Variants in LRRC37A2 observed in about 807,000 individuals in gnomAD.
LRRC37A2 encodes leucine-rich repeat-containing protein 37A2.
LRRC37A2 carries 9 observed loss-of-function variants against 68.8 expected under a neutral mutation model. The observed-to-expected ratio is 0.13, with a 90% confidence interval of 0.08 to 0.23. LRRC37A2 has a LOEUF of 0.23. LRRC37A2 is among the 10% of genes least tolerant of loss of function. The probability of loss-of-function intolerance (pLI) is 1.00; values close to 1 mark genes in which losing one functional copy is unlikely to be tolerated. For synonymous variants in LRRC37A2, 63 were observed against 367.6 expected (o/e 0.17, Z 9.48); for missense variants, 168 against 950.4 (o/e 0.18, Z 10.82).
At chr17:46,974,461 G>A in the LRRC37A2 span, among the ~76,000 whole-genome samples, 1 of 152,184 alleles carries the variant, frequency 6.6e-6, no homozygotes, top group Non-Finnish European at 1.5e-5. Flanking sequence ...TCCGCCGGGC[G>A]CGGTGGCTCA....
chr17:47,014,391 A>G, the LRRC37A2 span, among the ~76,000 whole-genome samples: 1 of 141,382 alleles, frequency 7.1e-6, no homozygotes, highest in African/African-American at 2.6e-5. Flanking sequence ...CTCCATCTCG[A>G]GAAAAAAAAA....
chr17:46,859,408 T>A, the LRRC37A2 span, among the ~76,000 whole-genome samples: 12 of 152,258 alleles, frequency 7.9e-5, no homozygotes, highest in African/African-American at 2.7e-4. Context: ...GAAATGATGA[T>A]GTTTTCTCCA....
the LRRC37A2 span, among the ~76,000 whole-genome samples, chr17:46,771,750 G>GC: frequency 1.5e-5 from 1 of 68,574 alleles, no homozygotes; most frequent in Non-Finnish European, 3.0e-5. Flanking sequence ...TTGAAGCGGC[G>GC]CCCCCCGCCC....
the LRRC37A2 span, among the ~76,000 whole-genome samples, chr17:46,862,219 G>C: frequency 4.6e-4 from 70 of 151,288 alleles, no homozygotes; most frequent in Non-Finnish European, 6.3e-4. Context: ...TAATATAGGA[G>C]GTAGGGGAGG....
At chr17:46,762,336 TG>T in the LRRC37A2 span, among the ~76,000 whole-genome samples, 3 of 152,294 alleles carry the variant, frequency 2.0e-5, no homozygotes, top group African/African-American at 7.2e-5. Flanking sequence ...AAATGTACTG[TG>T]GTGTATCAGA....
At chr17:46,864,591 A>C in the LRRC37A2 span, among the ~76,000 whole-genome samples, 4 of 152,182 alleles carry the variant, frequency 2.6e-5, no homozygotes, top group African/African-American at 7.2e-5. Flanking sequence ...CCAGGGGGTC[A>C]GAGGAGTCCT....
chr17:46,815,037 G>T, the LRRC37A2 span, among the ~76,000 whole-genome samples: 23 of 152,248 alleles, frequency 1.5e-4, no homozygotes, highest in African/African-American at 5.1e-4. Context: ...ACCCAGATGG[G>T]TGGCCACTGG....
At chr17:46,993,396 C>A in the LRRC37A2 span, among the ~76,000 whole-genome samples, 1 of 152,340 alleles carries the variant, frequency 6.6e-6, no homozygotes, top group Admixed American at 6.5e-5. Context: ...GTCTGCCTAC[C>A]CCCAGGATTT....
chr17:46,908,860 C>A, the LRRC37A2 span, among the ~76,000 whole-genome samples: 1 of 152,204 alleles, frequency 6.6e-6, no homozygotes. Context: ...ATCTGAGGGA[C>A]CTCAGAGGAG....
the LRRC37A2 span, among the ~76,000 whole-genome samples, chr17:46,816,475 G>GCACACA: frequency 6.7e-3 from 967 of 144,320 alleles, 8 homozygotes; most frequent in East Asian, 0.018. Flanking sequence ...CAGAACACAC[G>GCACACA]CACACACACA....
the LRRC37A2 span, among the ~76,000 whole-genome samples, chr17:46,780,846 A>G: frequency 6.6e-6 from 1 of 152,184 alleles, no homozygotes; most frequent in South Asian, 2.1e-4. Flanking sequence ...AGTGCTACTC[A>G]CAGCAGCCAA....
the LRRC37A2 span, among the ~76,000 whole-genome samples, chr17:46,960,648 A>G: frequency 1.3e-5 from 2 of 152,252 alleles, no homozygotes; most frequent in Admixed American, 1.3e-4. Flanking sequence ...AAAACCTGTG[A>G]TACATCCATC....
At chr17:46,923,268 AGG>A in the LRRC37A2 span, 1 of 1,550,322 alleles carries the variant, frequency 6.5e-7, no homozygotes, top group Non-Finnish European at 8.7e-7. Flanking sequence ...AGGCGAGGCC[AGG>A]TGAGCCTGGC....
At chr17:46,767,346 C>G in the LRRC37A2 span, among the ~76,000 whole-genome samples, 9 of 152,138 alleles carry the variant, frequency 5.9e-5, no homozygotes, top group Admixed American at 5.9e-4. Flanking sequence ...CCCACTCCAC[C>G]CAAGCTTCAG....
chr17:46,983,279 G>A, the LRRC37A2 span, among the ~76,000 whole-genome samples: 1 of 146,214 alleles, frequency 6.8e-6, no homozygotes, highest in East Asian at 2.0e-4. Flanking sequence ...GTTTCTGTCT[G>A]CCCTTTCTTC....
chr17:46,712,411 A>G, the LRRC37A2 span, among the ~76,000 whole-genome samples: 2 of 152,110 alleles, frequency 1.3e-5, no homozygotes, highest in Non-Finnish European at 2.9e-5. Context: ...AATATTTGTT[A>G]GATTGGATGT....
At chr17:46,772,628 C>A in the LRRC37A2 span, among the ~76,000 whole-genome samples, 1 of 152,228 alleles carries the variant, frequency 6.6e-6, no homozygotes, top group Admixed American at 6.5e-5. Flanking sequence ...TAAACAGAAT[C>A]ATCATCCATT....
At chr17:46,685,231 A>G in the LRRC37A2 span, among the ~76,000 whole-genome samples, 2 of 146,908 alleles carry the variant, frequency 1.4e-5, no homozygotes, top group African/African-American at 5.1e-5. Flanking sequence ...CTGCATAGGT[A>G]ACTTTGGTGC....
At chr17:46,773,623 T>TGG in the LRRC37A2 span, 1 of 383,492 alleles carries the variant, frequency 2.6e-6, no homozygotes, top group East Asian at 8.0e-5. Flanking sequence ...TCCTGATCCC[T>TGG]CCCCCCACCC....
Sources: gnomAD v4.1 joint callset for allele counts (sites outside exome capture counted in the v4.1 genomes callset) on GRCh38, gnomAD v4.1.1 for gene constraint, MANE v1.5 for transcripts, NCBI Gene and HGNC (gene_info 2026-07-23, HGNC 2026-07-21) for gene names.